The following BTBD7 variants were observed in gnomAD, a reference collection of about 807,000 sequenced individuals.
BTBD7 encodes BTB domain containing 7, also known as BTB/POZ domain-containing protein 7.
Under a neutral mutation model 99.9 loss-of-function variants are expected in BTBD7, and 38 were observed. The observed-to-expected ratio is 0.38, with a 90% CI of 0.29 to 0.50. The LOEUF is 0.50. Among genes scored for constraint, BTBD7 ranks in the 20% least tolerant of loss-of-function variants. The pLI is 0.93. For missense variants in BTBD7, 1,170 were observed against 1,394.6 expected, an observed-to-expected ratio of 0.84 and a Z score of 2.57; for synonymous variants, 520 against 511.4, an observed-to-expected ratio of 1.02 and a Z score of -0.23.
At chr14:93,250,270 G>C (rs534874850) in intron 8 of BTBD7, among the ~76,000 whole-genome samples, 1 of 152,294 alleles carries the variant, frequency 6.6e-6, no homozygotes, top group African/African-American at 2.4e-5. Flanking sequence ...ATACTTATTT[G>C]AGAATGTCTA....
At chr14:93,273,609 C>G (rs11849448) in intron 3 of BTBD7, among the ~76,000 whole-genome samples, 29,930 of 152,138 alleles carry the variant, frequency 0.2, 4,402 homozygotes, top group African/African-American at 0.42. Context: ...GAATATTAAA[C>G]CCCAAGATTT....
intron 6 of BTBD7, among the ~76,000 whole-genome samples, chr14:93,254,196 C>T (rs2052403811): frequency 1.3e-5 from 2 of 152,090 alleles, no homozygotes; most frequent in Admixed American, 1.3e-4. Flanking sequence ...CTCGGCCTCC[C>T]AAAGTGCTGG....
chr14:93,287,565 T>C (rs1329925630), intron 3 of BTBD7: 2 of 152,210 alleles, frequency 1.3e-5, no homozygotes, highest in Non-Finnish European at 2.9e-5. Context: ...TCTTTTTCCA[T>C]TTGCTTCATT....
rs570452414 is a variant in BTBD7 at position 93,330,954 on chromosome 14, T to C, written c.-107+1866A>G. Among the ~76,000 whole-genome samples the C allele has an allele frequency of 7.2e-5, 11 of 152,288 alleles. No homozygotes were observed. The East Asian group carries it at 1.9e-3, about 27-fold the overall frequency. On this transcript the variant is annotated intron_variant, in intron 1 of 10. Coordinates refer to ENST00000334746, the MANE Select transcript of BTBD7 (RefSeq NM_001002860.4). ...GGTGTTGGGACACAAAACAATACAG[T>C]AGTCAGGTTTTGTGGGACAGAATAT...
intron 3 of BTBD7, among the ~76,000 whole-genome samples, chr14:93,276,018 C>G (rs2052652970): frequency 6.6e-6 from 1 of 152,022 alleles, no homozygotes; most frequent in South Asian, 2.1e-4. Context: ...AGTCCAAGAC[C>G]AGCTTGGGCA....
intron 3 of BTBD7, among the ~76,000 whole-genome samples, chr14:93,275,149 CACT>C (rs1420997727): frequency 7.2e-5 from 11 of 152,118 alleles, no homozygotes; most frequent in Admixed American, 7.2e-4. Context: ...ACATATAACC[CACT>C]ACTGTGTGAA....
chr14:93,274,371 G>C (rs925095519), intron 3 of BTBD7, among the ~76,000 whole-genome samples: 10 of 152,182 alleles, frequency 6.6e-5, no homozygotes, highest in African/African-American at 2.4e-4. Flanking sequence ...TTTGTTGTCT[G>C]CTGTGAAAAT....
chr14:93,258,667 C>A (rs1234480405), intron 5 of BTBD7, among the ~76,000 whole-genome samples: 2 of 152,184 alleles, frequency 1.3e-5, no homozygotes, highest in African/African-American at 4.8e-5. Context: ...TCACTGCAAC[C>A]TCCACCTCCT....
intron 1 of BTBD7, among the ~76,000 whole-genome samples, chr14:93,302,559 A>C (rs1000226035): frequency 2.6e-5 from 4 of 152,168 alleles, no homozygotes; most frequent in African/African-American, 9.7e-5. Context: ...TTTAAAAGAA[A>C]TAAAGGGCCG....
intron 3 of BTBD7, among the ~76,000 whole-genome samples, chr14:93,292,762 T>A (rs1407924415): frequency 6.6e-6 from 1 of 152,138 alleles, no homozygotes; most frequent in Non-Finnish European, 1.5e-5. Context: ...CCTCAAGCGG[T>A]CTTCCTGCCT....
At chr14:93,269,002 G>A (rs531594066) in intron 3 of BTBD7, among the ~76,000 whole-genome samples, 2 of 152,046 alleles carry the variant, frequency 1.3e-5, no homozygotes, top group East Asian at 1.9e-4. Context: ...CAGGTGATCC[G>A]CCCGCCTCGG....
intron 1 of BTBD7, among the ~76,000 whole-genome samples, chr14:93,327,260 GCTT>G (rs1490162650): frequency 6.6e-6 from 1 of 152,160 alleles, no homozygotes; most frequent in African/African-American, 2.4e-5. Flanking sequence ...TTACTCTTCT[GCTT>G]CTTGATTCAA....
In BTBD7 at chr14:93,264,338, G is replaced by A. The variant is rs549257453; in HGVS notation, c.1163-345C>T. Among the ~76,000 whole-genome samples, 67 of 152,314 alleles carry A rather than the reference G, an allele frequency of 4.4e-4. 1 individual carries two copies. In the South Asian group the frequency reaches 0.013, roughly 30 times the overall value. On this transcript the variant is annotated intron_variant, in intron 3 of 10. Coordinates refer to ENST00000334746, the MANE Select transcript of BTBD7 (RefSeq NM_001002860.4). ...GAAGAGTAGGCAAAAAGGCTGCAGTGGTGGAAACTGGCTAGAGGAAGGAAG... is the reference window on the plus strand; with the variant it reads ...GAAGAGTAGGCAAAAAGGCTGCAGTAGTGGAAACTGGCTAGAGGAAGGAAG...
intron 1 of BTBD7, among the ~76,000 whole-genome samples, chr14:93,302,631 G>T (rs2053018258): frequency 6.6e-6 from 1 of 152,254 alleles, no homozygotes; most frequent in East Asian, 1.9e-4. Context: ...CGGATCACGA[G>T]GTCAGGAGTT....
chr14:93,263,979 T>C lies in BTBD7; in HGVS notation c.1177A>G (p.Ile393Val), dbSNP rs763399231. Residue 393 changes from isoleucine to valine, a missense_variant, in exon 4 of 11, where the codon ATT becomes GTT. By Grantham distance (29) the Ile-to-Val change is conservative (BLOSUM62 3). This residue lies in a region of BTBD7 where 359 missense variants were observed against 497.9 expected (regional missense o/e 0.72). Transcript: ENST00000334746. ...NMLAQGCEDI[I>V]AESISLDTLI... ...GTATCTAATGAGATGCTCTCAGCAA[T>C]GATATCCTCACAGCCTAAAAGAGAA... 1.1e-4 allele frequency: 185 copies of C among 1,613,908 alleles called. No homozygotes were observed. Among genetic ancestry groups the C allele is most frequent in the Non-Finnish European group, 1.5e-4 (182 of 1,179,904 alleles).
intron 1 of BTBD7, among the ~76,000 whole-genome samples, chr14:93,321,727 ACT>A (rs2053272412): frequency 6.6e-6 from 1 of 152,162 alleles, no homozygotes; most frequent in South Asian, 2.1e-4. Flanking sequence ...TTTGGATCTG[ACT>A]CTGCCATTTC....
intron 1 of BTBD7, among the ~76,000 whole-genome samples, chr14:93,330,411 A>G (rs2053388463): frequency 6.6e-6 from 1 of 152,164 alleles, no homozygotes; most frequent in East Asian, 1.9e-4. Context: ...ATCTCTCGGT[A>G]AATCTAAACT....
At chr14:93,323,402 C>T (rs1274982673) in intron 1 of BTBD7, among the ~76,000 whole-genome samples, 1 of 152,186 alleles carries the variant, frequency 6.6e-6, no homozygotes, top group Non-Finnish European at 1.5e-5. Flanking sequence ...TGTGACAGAA[C>T]TATGACTCTG....
rs2052237355 is a variant in BTBD7, at chr14:93,242,104, C to T, written c.*169G>A. ...GCAACATTAAAAAAAAAAAACAAAA[C>T]CTTCTTAGCATGCCATGTCTAATAA... On this transcript the variant is annotated 3_prime_UTR_variant, in exon 11 of 11. Transcript: ENST00000334746. 1 of 566,144 alleles carries T rather than the reference C, an allele frequency of 1.8e-6. No homozygotes were observed. Among genetic ancestry groups the T allele is most frequent in the Non-Finnish European group, 3.0e-6 (1 of 334,848 alleles). The allele number at this position is 566,144 out of a possible 1,614,324, so 35.1% of individuals were successfully genotyped here.
Sources: allele counts gnomAD v4.1 joint callset (sites outside exome capture counted in the v4.1 genomes callset), GRCh38; gene constraint gnomAD v4.1.1; regional missense constraint gnomAD v4.1.1; transcripts MANE v1.5; gene names NCBI Gene and HGNC (gene_info 2026-07-23, HGNC 2026-07-21).